The following ARAP2 variants were observed in gnomAD, a reference collection of about 807,000 sequenced individuals.
ARAP2 encodes ArfGAP with RhoGAP domain, ankyrin repeat and PH domain 2.
In ARAP2, 148 loss-of-function variants were observed where a neutral mutation model predicts 194.5. That is an observed-to-expected ratio of 0.76 (90% CI 0.67 to 0.87). The LOEUF (loss-of-function observed/expected upper bound fraction) is 0.87. Ranked by LOEUF, ARAP2 falls within the 40% of genes least tolerant of loss-of-function variation. The probability of loss-of-function intolerance (pLI) is 0.00; values close to 1 mark genes in which losing one functional copy is unlikely to be tolerated. For missense variants in ARAP2, 2,128 were observed against 1,989.7 expected (o/e 1.07, Z -1.32); for synonymous variants, 695 against 683.5 (o/e 1.02, Z -0.26).
At chr4:36,049,634 T>C (rs1722347579) in intron 3 of ARAP2, among the ~76,000 whole-genome samples, 1 of 152,230 alleles carries the variant, frequency 6.6e-6, no homozygotes, top group South Asian at 2.1e-4. Context: ...GCTTTGACTT[T>C]GTCTCATAGA....
intron 20 of ARAP2, among the ~76,000 whole-genome samples, chr4:36,130,216 A>T (rs1050045765): frequency 7.9e-5 from 12 of 151,964 alleles, no homozygotes; most frequent in Admixed American, 7.9e-4. Context: ...TGATAACAGC[A>T]TGATCTAAAA....
At chr4:36,062,445 A>G (rs1328448395), downstream of ARAP2, among the ~76,000 whole-genome samples, 4 of 152,192 alleles carry the variant, frequency 2.6e-5, no homozygotes, top group African/African-American at 7.2e-5. Flanking sequence ...AGTGAAGGAC[A>G]GTTGGAAGAG....
chr4:36,126,383 T>G (rs1336354185), intron 21 of ARAP2, among the ~76,000 whole-genome samples: 1 of 151,898 alleles, frequency 6.6e-6, no homozygotes, highest in African/African-American at 2.4e-5. Context: ...CTAAATAAAT[T>G]GAAAGTAAAA....
chr4:36,209,677 C>T (rs1313495637), intron 6 of ARAP2, among the ~76,000 whole-genome samples: 1 of 152,088 alleles, frequency 6.6e-6, no homozygotes, highest in Non-Finnish European at 1.5e-5. Context: ...AAGCTTTAAT[C>T]TCAAAAGAAT....
At chr4:36,019,145 T>G (rs1716436808) in exon 6 of ARAP2, 1 of 149,706 alleles carries the variant, frequency 6.7e-6, no homozygotes, top group South Asian at 2.1e-4. Flanking sequence ...GAAAGTTACC[T>G]TTATCATAAT....
chr4:36,240,604 A>G (rs1753324214), intron 1 of ARAP2, among the ~76,000 whole-genome samples: 1 of 152,116 alleles, frequency 6.6e-6, no homozygotes, highest in African/African-American at 2.4e-5. Flanking sequence ...CCTCACGGGG[A>G]TATTTTGAGG....
chr4:36,095,719 T>C (rs1327411894), intron 27 of ARAP2, among the ~76,000 whole-genome samples: 1 of 149,432 alleles, frequency 6.7e-6, no homozygotes, highest in Non-Finnish European at 1.5e-5. Flanking sequence ...TTTTTTATCA[T>C]GCACAAATTT....
intron 27 of ARAP2, among the ~76,000 whole-genome samples, chr4:36,107,057 C>A (rs1158877490): frequency 2.0e-5 from 3 of 151,816 alleles, no homozygotes; most frequent in African/African-American, 4.8e-5. Flanking sequence ...CTTAATTAAC[C>A]GTACATGAGC....
At chr4:36,041,262 A>C (rs1720824987) in intron 5 of ARAP2, among the ~76,000 whole-genome samples, 1 of 152,160 alleles carries the variant, frequency 6.6e-6, no homozygotes, top group Admixed American at 6.5e-5. Context: ...ATGGGAGAAA[A>C]AGTTTGCAAA....
At chr4:36,015,222 T>C (rs1715567433) in intron 8 of ARAP2, among the ~76,000 whole-genome samples, 1 of 152,222 alleles carries the variant, frequency 6.6e-6, no homozygotes, top group African/African-American at 2.4e-5. Context: ...ATAAAAGATA[T>C]TCAAAATGCT....
Position 36,150,658 on chromosome 4 carries a change from C to T in ARAP2, c.2897+242G>A, listed in dbSNP as rs571077541. 2.6e-5 allele frequency among the ~76,000 whole-genome samples: 4 copies of T among 151,902 alleles called. No homozygotes were observed. In the East Asian group the frequency reaches 7.7e-4, roughly 29 times the overall value. ...TCCATCTCAAAAAAAAAAAAATTTA[C>T]ATAAGATTTGATTCGAAGATGCTAG... On this transcript the variant is annotated intron_variant, in intron 16 of 32. Transcript: ENST00000303965.
At chr4:36,105,978 A>T (rs1718312747) in intron 27 of ARAP2, among the ~76,000 whole-genome samples, 1 of 151,986 alleles carries the variant, frequency 6.6e-6, no homozygotes, top group Non-Finnish European at 1.5e-5. Context: ...TTTCAACAGA[A>T]AGATAAAGAA....
At chr4:36,132,892 C>A (rs2109612253) in intron 20 of ARAP2, among the ~76,000 whole-genome samples, 1 of 151,800 alleles carries the variant, frequency 6.6e-6, no homozygotes, top group East Asian at 1.9e-4. Context: ...CTTGTAATCT[C>A]TGAAAGATAG....
chr4:36,116,508 G>C (rs1226912333), intron 25 of ARAP2, among the ~76,000 whole-genome samples: 2 of 151,880 alleles, frequency 1.3e-5, no homozygotes, highest in Non-Finnish European at 2.9e-5. Flanking sequence ...GGAGAAAAGA[G>C]TTATCCAAAT....
At chr4:36,134,834 C>T (rs1006213327) in intron 19 of ARAP2, among the ~76,000 whole-genome samples, 4 of 151,480 alleles carry the variant, frequency 2.6e-5, no homozygotes, top group African/African-American at 9.7e-5. Flanking sequence ...GAATTATACT[C>T]CAGGTAAAAC....
chr4:36,184,113 T>C (rs1333836717), intron 8 of ARAP2, among the ~76,000 whole-genome samples: 4 of 152,170 alleles, frequency 2.6e-5, no homozygotes, highest in East Asian at 3.8e-4. Flanking sequence ...AAATAAAAGA[T>C]AGTTAACCAT....
At chr4:36,162,171 T>A (rs1468874750) in intron 11 of ARAP2, among the ~76,000 whole-genome samples, 1 of 151,962 alleles carries the variant, frequency 6.6e-6, no homozygotes, top group Non-Finnish European at 1.5e-5. Flanking sequence ...CATGAGTGCA[T>A]ATGTACAGAC....
At chr4:36,208,007 T>C (rs1745931333) in intron 6 of ARAP2, among the ~76,000 whole-genome samples, 1 of 152,250 alleles carries the variant, frequency 6.6e-6, no homozygotes, top group Admixed American at 6.5e-5. Flanking sequence ...CTAGACAATG[T>C]TCTGCTAAGG....
intron 19 of ARAP2, among the ~76,000 whole-genome samples, chr4:36,135,063 T>A (rs1006656339): frequency 4.0e-5 from 6 of 151,724 alleles, no homozygotes; most frequent in Admixed American, 6.6e-5. Context: ...TACATAGCAG[T>A]TTTAAAGACC....
Sources: allele counts gnomAD v4.1 joint callset (sites outside exome capture counted in the v4.1 genomes callset), GRCh38; gene constraint gnomAD v4.1.1; transcripts MANE v1.5; gene names NCBI Gene and HGNC (gene_info 2026-07-23, HGNC 2026-07-21).